The following ADGRA3 variants were observed in gnomAD, a reference collection of about 807,000 sequenced individuals.
The protein encoded by ADGRA3 is G-protein coupled receptor 125.
Under a neutral mutation model 119.8 loss-of-function variants are expected in ADGRA3, and 56 were observed. The ratio of observed to expected loss-of-function variants is 0.47; its 90% CI spans 0.38 to 0.58. The LOEUF is 0.58. ADGRA3 is among the 20% of genes least tolerant of loss of function. ADGRA3 has a pLI of 0.00. For synonymous variants in ADGRA3, 607 were observed against 623.8 expected, an observed-to-expected ratio of 0.97 and a Z score of 0.40; for missense variants, 1,516 against 1,649.0, an observed-to-expected ratio of 0.92 and a Z score of 1.40.
chr4:22,514,207 GGACT>G (rs1426776254), intron 1 of ADGRA3, among the ~76,000 whole-genome samples: 1 of 152,020 alleles, frequency 6.6e-6, no homozygotes, highest in African/African-American at 2.4e-5. Flanking sequence ...TTCTCCATTT[GGACT>G]GTAATTAAAG....
At position 22,402,785 on chromosome 4, in the gene ADGRA3, A is replaced by G. The variant is rs768781784; in HGVS notation, c.2247T>C (p.Ser749=). The G allele has an allele frequency of 1.2e-6, 2 of 1,611,448 alleles. No homozygotes were observed. The highest frequency in any genetic ancestry group is 1.7e-5 in the Admixed American group (1 of 59,374). The part of the protein sequence containing the change: ...NYAVLMDLTG[S]ELYTQAASLL... ...GGCTGGCCGCCTGGGTGTATAGTTC[A>G]GATCCCGTCAAATCCTGAGGGCAAA... The change falls in exon 15 of 19, where the codon TCT becomes TCC. Residue 749 remains serine, a synonymous_variant. Coordinates refer to ENST00000334304, the MANE Select transcript of ADGRA3 (RefSeq NM_145290.4).
chr4:22,454,990 G>A (rs1717190061), intron 3 of ADGRA3, 53 bp from the exon 4 acceptor site: 1 of 1,259,922 alleles, frequency 7.9e-7, no homozygotes, highest in Non-Finnish European at 1.2e-6. Flanking sequence ...GTTAAAGAAG[G>A]TCTCATGCAT....
intron 4 of ADGRA3, among the ~76,000 whole-genome samples, chr4:22,448,852 T>A (rs1716921901): frequency 6.6e-6 from 1 of 152,050 alleles, no homozygotes; most frequent in African/African-American, 2.4e-5. Context: ...ATTTGCAAAT[T>A]GAAAGGAGGA....
chr4:22,444,827 A>G, intron 6 of ADGRA3, 146 bp downstream of exon 6: 1 of 795,882 alleles, frequency 1.3e-6, no homozygotes, highest in Non-Finnish European at 2.0e-6. Context: ...TCGTTGGCAT[A>G]AACTAAATAT....
At chr4:22,433,532 T>C (rs1299698255) in intron 10 of ADGRA3, among the ~76,000 whole-genome samples, 3 of 152,192 alleles carry the variant, frequency 2.0e-5, no homozygotes, top group African/African-American at 7.2e-5. Context: ...AGTACAATGC[T>C]TCCACCTAAG....
chr4:22,480,550 A>G (rs1718229349), intron 1 of ADGRA3, among the ~76,000 whole-genome samples: 1 of 152,068 alleles, frequency 6.6e-6, no homozygotes, highest in Admixed American at 6.6e-5. Flanking sequence ...AAACAAAACT[A>G]TGGAGGGTAA....
At chr4:22,424,595 A>G (rs969557956) in intron 10 of ADGRA3, among the ~76,000 whole-genome samples, 2 of 152,204 alleles carry the variant, frequency 1.3e-5, no homozygotes, top group African/African-American at 4.8e-5. Context: ...ATCACTGGTG[A>G]AAAGACTGCC....
intron 14 of ADGRA3, among the ~76,000 whole-genome samples, chr4:22,403,234 G>A (rs760466510): frequency 7.3e-5 from 11 of 151,670 alleles, no homozygotes; most frequent in Non-Finnish European, 1.3e-4. Context: ...CTAACTATCC[G>A]TAGCCAAGTT....
chr4:22,498,109 C>A (rs1224327634), intron 1 of ADGRA3, among the ~76,000 whole-genome samples: 1 of 151,530 alleles, frequency 6.6e-6, no homozygotes, highest in Non-Finnish European at 1.5e-5. Context: ...GGCGTGCTGG[C>A]AGGAGCCTGT....
chr4:22,418,527 G>C (rs1213028835), intron 12 of ADGRA3, among the ~76,000 whole-genome samples: 1 of 152,132 alleles, frequency 6.6e-6, no homozygotes, highest in Non-Finnish European at 1.5e-5. Context: ...AGAATGACCA[G>C]GTAGTAGGGA....
chr4:22,402,868 A>T, intron 14 of ADGRA3, 69 bp from the exon 15 acceptor site: 1 of 1,494,496 alleles, frequency 6.7e-7, no homozygotes, highest in Non-Finnish European at 9.1e-7. Flanking sequence ...GATTTTTTTG[A>T]GTGACGAAAA....
chr4:22,412,044 T>C (rs904762919), intron 14 of ADGRA3, among the ~76,000 whole-genome samples: 19 of 152,232 alleles, frequency 1.2e-4, no homozygotes, highest in Middle Eastern at 3.4e-3. Flanking sequence ...TGCTATTTTT[T>C]TAAGAAAAGA....
chr4:22,481,445 G>A (rs1718258578), intron 1 of ADGRA3, among the ~76,000 whole-genome samples: 1 of 152,202 alleles, frequency 6.6e-6, no homozygotes, highest in African/African-American at 2.4e-5. Flanking sequence ...TCTAAGAACA[G>A]TGTTTAAATT....
intron 12 of ADGRA3, among the ~76,000 whole-genome samples, chr4:22,418,442 G>A (rs1221624044): frequency 6.6e-6 from 1 of 152,192 alleles, no homozygotes; most frequent in African/African-American, 2.4e-5. Context: ...TTTCTGCTGG[G>A]TGTTATCACC....
chr4:22,390,384 C>G (rs1365669530), intron 17 of ADGRA3, among the ~76,000 whole-genome samples: 1 of 23,380 alleles, frequency 4.3e-5, no homozygotes, highest in Admixed American at 4.9e-4. Context: ...ATATATAATA[C>G]GTATTATATA....
At chr4:22,399,730 C>T (rs2109004236) in intron 16 of ADGRA3, among the ~76,000 whole-genome samples, 1 of 152,228 alleles carries the variant, frequency 6.6e-6, no homozygotes, top group Admixed American at 6.5e-5. Flanking sequence ...ATTTCCATAG[C>T]CTCATAAACC....
At chr4:22,391,815 C>A (rs1290611538) in intron 17 of ADGRA3, among the ~76,000 whole-genome samples, 2 of 152,180 alleles carry the variant, frequency 1.3e-5, no homozygotes, top group African/African-American at 2.4e-5. Flanking sequence ...CTCTTCACTT[C>A]TACACTTTGT....
At chr4:22,501,374 T>A (rs1251212276) in intron 1 of ADGRA3, among the ~76,000 whole-genome samples, 4 of 152,210 alleles carry the variant, frequency 2.6e-5, no homozygotes, top group Non-Finnish European at 5.9e-5. Flanking sequence ...AGTTTTACTT[T>A]ACTATCCAGC....
chr4:22,436,407 C>T (rs373089484), intron 9 of ADGRA3, 33 bp downstream of exon 9: 114 of 1,546,146 alleles, frequency 7.4e-5, no homozygotes, highest in Non-Finnish European at 4.0e-5. Flanking sequence ...GTTTTCTCCA[C>T]AACCCAAGTA....
Sources: allele counts gnomAD v4.1 joint callset (sites outside exome capture counted in the v4.1 genomes callset), GRCh38; gene constraint gnomAD v4.1.1; transcripts MANE v1.5; gene names NCBI Gene and HGNC (gene_info 2026-07-23, HGNC 2026-07-21).